The following FAM234A variants were observed in gnomAD, a reference collection of about 807,000 sequenced individuals.
FAM234A encodes the protein family with sequence similarity 234 member A, also known as protein FAM234A.
FAM234A carries 42 observed loss-of-function variants against 49.1 expected under a neutral mutation model. The observed-to-expected ratio is 0.86, with a 90% CI of 0.67 to 1.11. The LOEUF is 1.11. FAM234A is among the 50% of genes least tolerant of loss of function. The pLI is 0.00. For synonymous variants in FAM234A, 369 were observed against 316.2 expected (o/e 1.17, Z -1.77); for missense variants, 815 against 745.2 (o/e 1.09, Z -1.09).
chr16:262,595 C>A (rs747187684), intron 8 of FAM234A, 42 bp downstream of exon 8: 3 of 1,518,910 alleles, frequency 2.0e-6, no homozygotes, highest in South Asian at 1.3e-5. Flanking sequence ...GAGCGCCCAC[C>A]CCATGGCTCT....
chr16:242,770 G>T (rs57877207), intron 1 of FAM234A, among the ~76,000 whole-genome samples: 5 of 151,130 alleles, frequency 3.3e-5, no homozygotes, highest in African/African-American at 2.4e-5. Flanking sequence ...ACATCACCAC[G>T]CCTGGTTAAT....
At chr16:251,113 T>A (rs11647406) in intron 2 of FAM234A, among the ~76,000 whole-genome samples, 1 of 152,154 alleles carries the variant, frequency 6.6e-6, no homozygotes, top group Admixed American at 6.6e-5. Context: ...CCTGCCACCA[T>A]GCCCATCTAG....
chr16:255,478 G>A (rs1005859077), intron 3 of FAM234A, among the ~76,000 whole-genome samples: 2 of 152,172 alleles, frequency 1.3e-5, no homozygotes, highest in Non-Finnish European at 2.9e-5. Context: ...GGAGGCTGAG[G>A]TAGGAGTATC....
chr16:258,765 C>T (rs2051339983), intron 3 of FAM234A, among the ~76,000 whole-genome samples: 1 of 152,212 alleles, frequency 6.6e-6, no homozygotes, highest in Non-Finnish European at 1.5e-5. Context: ...CCGGAGGGGG[C>T]AGCTGGGCCC....
chr16:264,083 G>T lies in FAM234A; in HGVS notation c.1256G>T (p.Gly419Val). ...CSLALPSLPG[G>V]PLSASLPTAD... ...CTAGCCCTCCCGAGCCTCCCTGGGGGTCCACTGTCCGCCAGCCTGCCGACC... is the reference window on the plus strand; with the variant it reads ...CTAGCCCTCCCGAGCCTCCCTGGGGTTCCACTGTCCGCCAGCCTGCCGACC... Residue 419 changes from glycine to valine, a missense_variant, in exon 11 of 13, where the codon GGT (glycine) becomes GTT (valine). Transcript: ENST00000399932. 6.2e-7 allele frequency: 1 copy of T among 1,612,754 alleles called. No individual in the cohort carries two copies.
intron 3 of FAM234A, among the ~76,000 whole-genome samples, chr16:258,698 G>A (rs2051335943): frequency 6.6e-6 from 1 of 152,214 alleles, no homozygotes; most frequent in Non-Finnish European, 1.5e-5. Flanking sequence ...TGGTAGCCGG[G>A]CAGAGGGGCT....
At chr16:254,755 T>G in intron 3 of FAM234A, 74 bp downstream of exon 3, 1 of 1,459,658 alleles carries the variant, frequency 6.9e-7, no homozygotes, top group Non-Finnish European at 9.4e-7. Flanking sequence ...GGGGCAGAAC[T>G]GTGTCTGCGA....
At chr16:262,378 C>A in intron 7 of FAM234A, 46 bp from the exon 8 acceptor site, 1 of 1,560,360 alleles carries the variant, frequency 6.4e-7, no homozygotes, top group Non-Finnish European at 8.7e-7. Flanking sequence ...GGTCCGGGTT[C>A]ACAGCGTGAC....
At chr16:257,236 CTTTTTTTTTTTT>C (rs759071082) in intron 3 of FAM234A, among the ~76,000 whole-genome samples, 9 of 89,012 alleles carry the variant, frequency 1.0e-4, no homozygotes, top group African/African-American at 1.9e-4. Context: ...TCAATGAAGT[CTTTTTTTTTTTT>C]TTTTTTTTTT....
intron 2 of FAM234A, among the ~76,000 whole-genome samples, chr16:251,679 GTTTTTTTTTT>G (rs1172222528): frequency 2.2e-5 from 2 of 91,138 alleles, no homozygotes; most frequent in South Asian, 3.9e-4. Flanking sequence ...GCCTAGCCAG[GTTTTTTTTTT>G]TTTTTTTTTT....
At chr16:261,151 G>A (rs1362881008) in intron 5 of FAM234A, 18 of 456,206 alleles carry the variant, frequency 3.9e-5, no homozygotes, top group Non-Finnish European at 6.0e-5. Context: ...TATTGCCACC[G>A]AGTCTCCATA....
At chr16:259,915 C>T (rs560014244) in intron 4 of FAM234A, 54 bp from the exon 5 acceptor site, 45 of 1,523,232 alleles carry the variant, frequency 3.0e-5, no homozygotes, top group East Asian at 1.6e-4. Context: ...TGGGGCTGGC[C>T]GGCCTGCCTG....
intron 5 of FAM234A, chr16:260,579 A>G (rs770030195): frequency 4.8e-5 from 23 of 476,548 alleles, no homozygotes; most frequent in South Asian, 3.6e-4. Context: ...CTAAGCCTGA[A>G]GGTGCAGGTC....
At chr16:250,659 A>G (rs1013232470) in intron 2 of FAM234A, among the ~76,000 whole-genome samples, 1 of 152,024 alleles carries the variant, frequency 6.6e-6, no homozygotes, top group Non-Finnish European at 1.5e-5. Flanking sequence ...GCATTTTGTA[A>G]CCATCACCAC....
Position 265,944 on chromosome 16 carries a change from G to T in FAM234A, c.*922G>T. On this transcript the variant is annotated 3_prime_UTR_variant, in exon 13 of 13. Coordinates refer to ENST00000399932, the MANE Select transcript of FAM234A (RefSeq NM_032039.4). ...CACCCGATGCAGGACTCACCTCTGT[G>T]CCTTGCTGCTCCTGAGGCCCAAGGG... is the stretch of plus-strand genomic sequence containing the variant. 8 of 985,994 alleles carry T rather than the reference G, an allele frequency of 8.1e-6. No individual in the cohort carries two copies. The South Asian group carries it at 3.3e-4, about 41-fold the overall frequency. The allele number at this position is 985,994 out of a possible 1,614,324, so 61.1% of individuals were successfully genotyped here.
chr16:254,310 A>C (rs2051139512), intron 2 of FAM234A, 71 bp from the exon 3 acceptor site: 3 of 1,320,368 alleles, frequency 2.3e-6, no homozygotes, highest in South Asian at 2.8e-5. Context: ...CGACGCCAGC[A>C]GACCCCTCTG....
intron 1 of FAM234A, among the ~76,000 whole-genome samples, chr16:243,760 C>T (rs779265564): frequency 2.6e-5 from 4 of 152,138 alleles, no homozygotes; most frequent in Admixed American, 6.6e-5. Context: ...AACACACACC[C>T]CTTTTCTGTG....
chr16:254,747 G>A, intron 3 of FAM234A, 66 bp downstream of exon 3: 1 of 1,520,922 alleles, frequency 6.6e-7, no homozygotes, highest in African/African-American at 1.4e-5. Context: ...GGGCGGAGGG[G>A]GCAGAACTGT....
chr16:246,027 A>G (rs1000357181), intron 1 of FAM234A, among the ~76,000 whole-genome samples: 4 of 151,918 alleles, frequency 2.6e-5, no homozygotes, highest in Non-Finnish European at 5.9e-5. Context: ...CATCATGGTG[A>G]AACCGTCTCT....
Sources: gnomAD v4.1 joint callset for allele counts (sites outside exome capture counted in the v4.1 genomes callset) on GRCh38, gnomAD v4.1.1 for gene constraint, MANE v1.5 for transcripts, NCBI Gene and HGNC (gene_info 2026-07-23, HGNC 2026-07-21) for gene names.